PID1: variants seen among roughly 807,000 people sequenced by gnomAD.
The protein encoded by PID1 is PTB-containing, cubilin and LRP1-interacting protein.
PID1 carries 10 observed loss-of-function variants against 19.1 expected under a neutral mutation model. That is an observed-to-expected ratio of 0.52 (90% CI 0.32 to 0.89). The LOEUF (loss-of-function observed/expected upper bound fraction) is 0.89, where lower values mean the gene tolerates loss of function less well. PID1 is among the 40% of genes least tolerant of loss of function. The pLI is 0.03. For missense variants in PID1, 248 were observed against 285.3 expected (o/e 0.87, Z 0.94); for synonymous variants, 130 against 116.0 (o/e 1.12, Z -0.78).
intron 2 of PID1, among the ~76,000 whole-genome samples, chr2:229,028,185 T>C (rs1010534039): frequency 6.6e-6 from 1 of 152,200 alleles, no homozygotes; most frequent in African/African-American, 2.4e-5. Context: ...TCAGCTATTT[T>C]CAGATGTTGG....
chr2:229,083,622 G>A (rs182629531), intron 2 of PID1, among the ~76,000 whole-genome samples: 190 of 152,298 alleles, frequency 1.2e-3, no homozygotes, highest in African/African-American at 4.4e-3. Context: ...GAAAATATAT[G>A]GGTGTATTCT....
At chr2:229,247,026 G>T (rs1559301691) in intron 1 of PID1, among the ~76,000 whole-genome samples, 1 of 151,974 alleles carries the variant, frequency 6.6e-6, no homozygotes, top group Non-Finnish European at 1.5e-5. Context: ...TTCTACTCAG[G>T]GAAAACAGAA....
intron 2 of PID1, among the ~76,000 whole-genome samples, chr2:229,138,021 A>T (rs149246753): frequency 6.6e-6 from 1 of 152,340 alleles, no homozygotes; most frequent in East Asian, 1.9e-4. Context: ...TTCCCTTCAC[A>T]CTACGTTCCC....
intron 2 of PID1, among the ~76,000 whole-genome samples, chr2:229,085,116 T>A (rs1694739648): frequency 6.6e-6 from 1 of 151,880 alleles, no homozygotes; most frequent in African/African-American, 2.4e-5. Flanking sequence ...AAATAAACTA[T>A]GACAATTGCA....
chr2:229,265,293 C>T (rs1690566478), intron 1 of PID1, among the ~76,000 whole-genome samples: 1 of 152,166 alleles, frequency 6.6e-6, no homozygotes, highest in African/African-American at 2.4e-5. Flanking sequence ...AAGACCTCAG[C>T]CAGATTATTG....
At chr2:229,145,817 T>G (rs1196017450) in intron 2 of PID1, among the ~76,000 whole-genome samples, 1 of 152,132 alleles carries the variant, frequency 6.6e-6, no homozygotes, top group Non-Finnish European at 1.5e-5. Context: ...TAGAACAGGT[T>G]AAAAAAACCA....
intron 2 of PID1, among the ~76,000 whole-genome samples, chr2:229,073,233 G>A (rs532743743): frequency 5.9e-5 from 9 of 152,226 alleles, no homozygotes; most frequent in African/African-American, 2.2e-4. Context: ...CACCATGTTA[G>A]CCAGGATGGT....
rs568828473 is a variant in PID1 at position 229,063,902 on chromosome 2, G to GT, written c.178-37795dup. 2.6e-5 allele frequency among the ~76,000 whole-genome samples: 4 copies of GT among 152,052 alleles called. No individual in the cohort carries two copies. The East Asian group carries it at 5.8e-4, about 22-fold the overall frequency. ...ATAACCTTCTTTGTCTCTTTTTACAGTTTTTTTGTTAGGTCTTATGTTAGG... is the reference window on the plus strand; with the variant it reads ...ATAACCTTCTTTGTCTCTTTTTACAGTTTTTTTTGTTAGGTCTTATGTTAGG... On this transcript the variant is annotated intron_variant, in intron 2 of 2. Transcript: ENST00000392055.
chr2:229,232,431 C>CA (rs386392861), intron 1 of PID1, among the ~76,000 whole-genome samples: 13,972 of 41,326 alleles, frequency 0.34, 5,920 homozygotes, highest in East Asian at 0.71. Flanking sequence ...GACTCCATCT[C>CA]AAAAAAAAAA....
At chr2:229,151,072 G>A (rs953895606) in intron 2 of PID1, among the ~76,000 whole-genome samples, 1 of 152,120 alleles carries the variant, frequency 6.6e-6, no homozygotes, top group Non-Finnish European at 1.5e-5. Flanking sequence ...CCACTAAGGA[G>A]TGTGTAACAA....
At chr2:229,145,643 G>A (rs1007042324) in intron 2 of PID1, among the ~76,000 whole-genome samples, 8 of 152,126 alleles carry the variant, frequency 5.3e-5, no homozygotes, top group Admixed American at 1.3e-4. Flanking sequence ...TTCCCACATC[G>A]TTTTCAAACT....
At chr2:229,175,247 C>T (rs961989020) in intron 1 of PID1, among the ~76,000 whole-genome samples, 39 of 152,278 alleles carry the variant, frequency 2.6e-4, no homozygotes, top group African/African-American at 9.1e-4. Flanking sequence ...CACAAAGCTA[C>T]TAAATCACAC....
At chr2:229,205,701 A>G (rs546959394) in intron 1 of PID1, among the ~76,000 whole-genome samples, 3 of 152,240 alleles carry the variant, frequency 2.0e-5, no homozygotes, top group African/African-American at 7.2e-5. Context: ...CAAATCTTAG[A>G]GTCAATTCAC....
intron 2 of PID1, among the ~76,000 whole-genome samples, chr2:229,031,585 GAAAGAAAGGAAAAGA>G (rs1280017670): frequency 6.6e-5 from 10 of 151,838 alleles, no homozygotes; most frequent in Non-Finnish European, 8.8e-5. Flanking sequence ...GAAAGAAAAG[GAAAGAAAGGAAAAGA>G]AAAGAAAGGA....
intron 1 of PID1, among the ~76,000 whole-genome samples, chr2:229,175,974 A>G (rs1389162075): frequency 6.6e-6 from 1 of 152,204 alleles, no homozygotes; most frequent in African/African-American, 2.4e-5. Context: ...AATCTGCCTC[A>G]AGTACAACAC....
intron 1 of PID1, among the ~76,000 whole-genome samples, chr2:229,264,479 C>T (rs1410007852): frequency 6.6e-6 from 1 of 152,124 alleles, no homozygotes. Context: ...AGGTATGTGG[C>T]CCCCAAGTCC....
chr2:229,113,596 A>G (rs62193227), intron 2 of PID1, among the ~76,000 whole-genome samples: 12,087 of 141,994 alleles, frequency 0.085, 624 homozygotes, highest in South Asian at 0.25. Context: ...GTATGCATAT[A>G]TGTGTGTGTG....
At position 229,184,443 on chromosome 2, in the gene PID1, TAGCCCGTATATATATAG is replaced by T. The variant is rs1559274445; in HGVS notation, c.31-28496_31-28480del. 3.1e-3 allele frequency among the ~76,000 whole-genome samples: 40 copies of T among 12,962 alleles called. 18 individuals carry two copies. Among genetic ancestry groups the T allele is most frequent in the African/African-American group, 7.2e-3 (12 of 1,678 alleles). The allele number at this position is 12,962 out of a possible 152,430, so 8.5% of individuals were successfully genotyped here. On this transcript the variant is annotated intron_variant, in intron 1 of 2. Transcript: ENST00000392055. ...TATATATATAGCCCGTATATATATA[TAGCCCGTATATATATAG>T]CCCGTATATATATATCCCGTATATA...
At chr2:229,255,193 T>C (rs1690259886) in intron 1 of PID1, among the ~76,000 whole-genome samples, 1 of 152,204 alleles carries the variant, frequency 6.6e-6, no homozygotes, top group South Asian at 2.1e-4. Context: ...CGTGCTTTCA[T>C]GAATCAAGTA....
Sources: allele counts gnomAD v4.1 joint callset (sites outside exome capture counted in the v4.1 genomes callset), GRCh38; gene constraint gnomAD v4.1.1; transcripts MANE v1.5; gene names NCBI Gene and HGNC (gene_info 2026-07-23, HGNC 2026-07-21).